The following KCNG3 variants were observed in gnomAD, a reference collection of about 807,000 sequenced individuals.
KCNG3 encodes the protein potassium voltage-gated channel modifier subfamily G member 3, also known as voltage-gated potassium channel regulatory subunit KCNG3.
A neutral mutation model predicts 29.0 loss-of-function variants in KCNG3; 15 were observed. That is an observed-to-expected ratio of 0.52 (90% CI 0.35 to 0.80). The LOEUF (loss-of-function observed/expected upper bound fraction) is 0.80. Among genes scored for constraint, KCNG3 ranks in the 30% least tolerant of loss-of-function variants. The pLI is 0.01. For synonymous variants in KCNG3, 322 were observed against 248.9 expected, an observed-to-expected ratio of 1.29 and a Z score of -2.76; for missense variants, 512 against 605.7, an observed-to-expected ratio of 0.85 and a Z score of 1.62.
the KCNG3 span, among the ~76,000 whole-genome samples, chr2:42,400,556 C>A: frequency 6.6e-6 from 1 of 152,070 alleles, no homozygotes; most frequent in Non-Finnish European, 1.5e-5. Context: ...TTGTCACCCA[C>A]CTGAAGCAGA....
rs1673282666 is a variant in KCNG3 at position 42,471,289 on chromosome 2, AAAC to A, written c.665+21545_665+21547del. 2.6e-5 allele frequency among the ~76,000 whole-genome samples: 4 copies of A among 152,164 alleles called. No individual in the cohort carries two copies. In the South Asian group the frequency reaches 6.2e-4, roughly 24 times the overall value. ...ACAAATGTTCAACTGATGAATGGGT[AAAC>A]AACATGTTGCATAACCATACAATAG... On this transcript the variant is annotated intron_variant, in intron 1 of 1. Coordinates refer to ENST00000306078, the MANE Select transcript of KCNG3 (RefSeq NM_133329.6).
chr2:42,394,914 C>G, the KCNG3 span, among the ~76,000 whole-genome samples: 1 of 152,200 alleles, frequency 6.6e-6, no homozygotes, highest in Non-Finnish European at 1.5e-5. Context: ...TCAGACCACT[C>G]CAGAAACTCC....
the KCNG3 span, among the ~76,000 whole-genome samples, chr2:42,424,519 T>A: frequency 3.3e-5 from 5 of 152,202 alleles, no homozygotes; most frequent in African/African-American, 1.2e-4. Context: ...CTTAATTCTT[T>A]TAAATTTGTG....
chr2:42,487,156 CAAA>C (rs1194994891), intron 1 of KCNG3, among the ~76,000 whole-genome samples: 6 of 67,996 alleles, frequency 8.8e-5, no homozygotes, highest in Non-Finnish European at 1.1e-4. Context: ...GACTCTGTCT[CAAA>C]AAAAAAAAAA....
At chr2:42,397,732 T>C in the KCNG3 span, among the ~76,000 whole-genome samples, 3 of 152,228 alleles carry the variant, frequency 2.0e-5, no homozygotes, top group African/African-American at 7.2e-5. Flanking sequence ...TCTACTTGCT[T>C]ATATTTTCAA....
intron 1 of KCNG3, among the ~76,000 whole-genome samples, chr2:42,468,858 G>C (rs1673210532): frequency 6.7e-6 from 1 of 149,574 alleles, no homozygotes; most frequent in African/African-American, 2.5e-5. Flanking sequence ...CAGAGGCTGA[G>C]GCAGAGAATT....
chr2:42,459,522 A>G (rs1672963908), intron 1 of KCNG3, among the ~76,000 whole-genome samples: 1 of 152,230 alleles, frequency 6.6e-6, no homozygotes, highest in South Asian at 2.1e-4. Context: ...GGATGGGATG[A>G]CAACATATTA....
At chr2:42,457,406 G>A (rs543699875) in intron 1 of KCNG3, among the ~76,000 whole-genome samples, 1 of 151,864 alleles carries the variant, frequency 6.6e-6, no homozygotes, top group Admixed American at 6.6e-5. Context: ...AGGTAAAAGG[G>A]TTCCTTGAGC....
At chr2:42,468,527 TA>T in intron 1 of KCNG3, among the ~76,000 whole-genome samples, 1 of 152,302 alleles carries the variant, frequency 6.6e-6, no homozygotes, top group South Asian at 2.1e-4. Flanking sequence ...GGTACCTAGA[TA>T]TAAATCTAAC....
chr2:42,423,779 C>T, the KCNG3 span, among the ~76,000 whole-genome samples: 6 of 148,750 alleles, frequency 4.0e-5, no homozygotes, highest in East Asian at 2.0e-4. Context: ...GCTAGAGCCT[C>T]GCACAGTCGG....
chr2:42,423,374 G>A, the KCNG3 span, among the ~76,000 whole-genome samples: 1 of 152,176 alleles, frequency 6.6e-6, no homozygotes, highest in African/African-American at 2.4e-5. Context: ...AGGTCCTTCA[G>A]TGGCTCTCTG....
At chr2:42,479,619 C>T (rs1237220374) in intron 1 of KCNG3, among the ~76,000 whole-genome samples, 1 of 146,540 alleles carries the variant, frequency 6.8e-6, no homozygotes, top group Non-Finnish European at 1.5e-5. Context: ...GCACTTCAGT[C>T]TGGGTGACAA....
the KCNG3 span, among the ~76,000 whole-genome samples, chr2:42,419,768 C>T: frequency 3.9e-5 from 6 of 152,324 alleles, no homozygotes; most frequent in Admixed American, 1.3e-4. Flanking sequence ...AAATAACTAT[C>T]CAAAACTAAC....
the KCNG3 span, among the ~76,000 whole-genome samples, chr2:42,405,980 T>A: frequency 1.3e-5 from 2 of 151,146 alleles, no homozygotes; most frequent in Non-Finnish European, 3.0e-5. Context: ...TGACCTCAGG[T>A]GATCCACCTG....
At chr2:42,466,611 A>G (rs1451372586) in intron 1 of KCNG3, among the ~76,000 whole-genome samples, 1 of 152,108 alleles carries the variant, frequency 6.6e-6, no homozygotes, top group African/African-American at 2.4e-5. Flanking sequence ...TTCACAGAGC[A>G]AAGAAATCTC....
chr2:42,433,803 GA>G, the KCNG3 span, among the ~76,000 whole-genome samples: 1 of 152,198 alleles, frequency 6.6e-6, no homozygotes, highest in East Asian at 1.9e-4. Context: ...AAAAGACAGA[GA>G]AAAGGTAATT....
chr2:42,464,411 T>C (rs1374048579), intron 1 of KCNG3, among the ~76,000 whole-genome samples: 1 of 152,170 alleles, frequency 6.6e-6, no homozygotes, highest in Non-Finnish European at 1.5e-5. Context: ...TCAAAGTATC[T>C]AGACTATAAG....
downstream of KCNG3, among the ~76,000 whole-genome samples, chr2:42,439,260 T>C (rs1177532858): frequency 6.6e-6 from 1 of 151,558 alleles, no homozygotes; most frequent in Non-Finnish European, 1.5e-5. Context: ...TGTATATATA[T>C]ATATATGATT....
rs573255010 is a variant in KCNG3 at position 42,462,730 on chromosome 2, AT to A, written c.666-18152del. Among the ~76,000 whole-genome samples, 57 of 152,304 alleles carry A rather than the reference AT, an allele frequency of 3.7e-4. No homozygotes were observed. The East Asian group carries it at 0.011, about 29-fold the overall frequency. ...AAATTAAAAAGTCTTTGTCAGGTGA[AT>A]TTGTACACACCACGAAGCAATGAGC... is the stretch of plus-strand genomic sequence containing the variant. On this transcript the variant is annotated intron_variant, in intron 1 of 1. Transcript: ENST00000306078.
Sources: gnomAD v4.1 joint callset for allele counts (sites outside exome capture counted in the v4.1 genomes callset) on GRCh38, gnomAD v4.1.1 for gene constraint, MANE v1.5 for transcripts, NCBI Gene and HGNC (gene_info 2026-07-23, HGNC 2026-07-21) for gene names.